Variants in KALRN observed in about 807,000 individuals in gnomAD.
KALRN encodes the protein kalirin RhoGEF kinase, also known as kalirin.
KALRN carries 70 observed loss-of-function variants against 353.7 expected under a neutral mutation model. The ratio of observed to expected loss-of-function variants is 0.20; its 90% CI spans 0.16 to 0.24. The LOEUF (loss-of-function observed/expected upper bound fraction) is 0.24. Among genes scored for constraint, KALRN ranks in the 10% least tolerant of loss-of-function variants. The pLI, the probability that KALRN is intolerant of heterozygous loss-of-function variation, is 1.00. For synonymous variants in KALRN, 1,391 were observed against 1,434.8 expected (o/e 0.97, Z 0.69); for missense variants, 2,791 against 3,756.7 (o/e 0.74, Z 6.72).
intron 53 of KALRN, among the ~76,000 whole-genome samples, chr3:124,695,119 A>G (rs980737180): frequency 2.0e-5 from 3 of 152,234 alleles, no homozygotes; most frequent in Admixed American, 6.5e-5. Context: ...GAACAGTGTT[A>G]TTAGAAAAAG....
intron 33 of KALRN, among the ~76,000 whole-genome samples, chr3:124,544,189 ATGCAAACCACTCCATT>A: frequency 6.6e-6 from 1 of 152,214 alleles, no homozygotes; most frequent in Non-Finnish European, 1.5e-5. Flanking sequence ...TGCAGAAGAT[ATGCAAACCACTCCATT>A]ACCATACATG....
intron 5 of KALRN, among the ~76,000 whole-genome samples, chr3:124,277,613 T>C (rs1210461265): frequency 6.6e-6 from 1 of 152,192 alleles, no homozygotes; most frequent in East Asian, 1.9e-4. Context: ...AAATCCTTTC[T>C]CCCTCTCCTT....
Position 124,334,168 on chromosome 3 carries a change from G to A in KALRN, c.1417-97G>A. On this transcript the variant is annotated intron_variant, in intron 8 of 59. Coordinates refer to ENST00000682506, the MANE Select transcript of KALRN (RefSeq NM_001388419.1). The surrounding 1 kb of genome is among the most constrained non-coding windows in gnomAD (Gnocchi z 4.2). ...TATGGAATGCCTGAGATTCTCAGAA[G>A]GCCTAGTCAGGGACCCTCAGGCAGA... 1.0e-6 allele frequency: 1 copy of A among 997,806 alleles called. No individual in the cohort carries two copies. The allele number at this position is 997,806 out of a possible 1,614,324, so 61.8% of individuals were successfully genotyped here. A position where few individuals can be genotyped will look rare whatever the true frequency, so the allele number is the denominator to read the frequency against.
At chr3:124,321,836 G>T (rs1163984045) in intron 6 of KALRN, among the ~76,000 whole-genome samples, 1 of 152,198 alleles carries the variant, frequency 6.6e-6, no homozygotes, top group Non-Finnish European at 1.5e-5. Flanking sequence ...CATGCTGCAG[G>T]TGCATTGCCT....
At chr3:124,470,962 T>G (rs2060828323) in intron 25 of KALRN, among the ~76,000 whole-genome samples, 2 of 152,208 alleles carry the variant, frequency 1.3e-5, no homozygotes, top group South Asian at 4.1e-4. Context: ...CCTTGGAATC[T>G]AAATGTTACA....
At chr3:124,278,632 A>G (rs1188776403) in intron 5 of KALRN, among the ~76,000 whole-genome samples, 2 of 152,144 alleles carry the variant, frequency 1.3e-5, no homozygotes, top group South Asian at 4.1e-4. Context: ...AGGGCAGTGC[A>G]GGGAAAATCA....
At chr3:124,052,430 T>C (rs2041129030) in intron 1 of KALRN, among the ~76,000 whole-genome samples, 1 of 152,178 alleles carries the variant, frequency 6.6e-6, no homozygotes, top group Admixed American at 6.5e-5. Context: ...TTCTTCTGGC[T>C]CTTCCAAGGT....
At chr3:124,066,609 A>G (rs904260062) in intron 1 of KALRN, among the ~76,000 whole-genome samples, 25 of 152,320 alleles carry the variant, frequency 1.6e-4, no homozygotes, top group African/African-American at 6.0e-4. Flanking sequence ...TAGAAAGCTC[A>G]TGGCCACCCA....
rs1337218017 is a variant in KALRN at position 124,495,977 on chromosome 3, A to ATGTG, written c.4833-333_4833-332insGTGT. Among the ~76,000 whole-genome samples the ATGTG allele has an allele frequency of 1.8e-3, 48 of 26,692 alleles. 2 individuals carry two copies. Among genetic ancestry groups the ATGTG allele is most frequent in the South Asian group, 6.5e-3 (5 of 764 alleles). The allele number at this position is 26,692 out of a possible 152,430, so 17.5% of individuals were successfully genotyped here. Reference sequence around the variant, plus strand: ...TATGTGTATGTATGTATATATATATATATATATATATATATATATATATAT... The same window carrying ATGTG: ...TATGTGTATGTATGTATATATATATATGTGTATATATATATATATATATATATAT... On this transcript the variant is annotated intron_variant, in intron 32 of 59. Transcript: ENST00000682506.
chr3:124,150,598 G>T (rs373150147), intron 1 of KALRN, among the ~76,000 whole-genome samples: 1 of 151,978 alleles, frequency 6.6e-6, no homozygotes, highest in South Asian at 2.1e-4. Context: ...TATCCATTTT[G>T]CTGTCATTTA....
intron 6 of KALRN, among the ~76,000 whole-genome samples, chr3:124,299,906 C>A (rs1303426688): frequency 1.3e-5 from 2 of 152,176 alleles, no homozygotes; most frequent in South Asian, 4.1e-4. Flanking sequence ...CAAACTCCTG[C>A]AGCCTCAGAA....
intron 1 of KALRN, among the ~76,000 whole-genome samples, chr3:124,158,707 G>A (rs543346338): frequency 2.0e-5 from 3 of 152,320 alleles, no homozygotes; most frequent in South Asian, 2.1e-4. Context: ...AGCCATGTCA[G>A]GATGGCTATA....
At chr3:124,449,578 T>C (rs2058579032) in intron 21 of KALRN, among the ~76,000 whole-genome samples, 1 of 152,238 alleles carries the variant, frequency 6.6e-6, no homozygotes, top group Non-Finnish European at 1.5e-5. Flanking sequence ...TGTTTTTCAT[T>C]TTTTACAAAT....
In KALRN at chr3:124,723,847, AGAG is replaced by A. The variant is rs1198208138; in HGVS notation, c.*4378_*4380del. On this transcript the variant is annotated 3_prime_UTR_variant, in exon 60 of 60. Coordinates refer to ENST00000682506, the MANE Select transcript of KALRN (RefSeq NM_001388419.1). The stretch of plus-strand genomic sequence containing the variant: ...AGCTTTATGCTCTGGAAAAAAGGAC[AGAG>A]AAGAACCCAACAACCACTTTCTTCA... 1 of 152,226 alleles carries A rather than the reference AGAG, an allele frequency of 6.6e-6. No individual in the cohort carries two copies. The highest frequency in any genetic ancestry group is 1.9e-4 in the East Asian group (1 of 5,192). 9.4% of individuals were successfully genotyped at this position (152,226 alleles called of 1,614,324 possible).
chr3:124,572,404 T>C (rs1302325981), intron 34 of KALRN, among the ~76,000 whole-genome samples: 1 of 151,988 alleles, frequency 6.6e-6, no homozygotes, highest in Non-Finnish European at 1.5e-5. Context: ...CCCAACCTAA[T>C]GTATTGTAAT....
chr3:124,529,033 T>G (rs1020958941), intron 33 of KALRN, among the ~76,000 whole-genome samples: 2 of 152,176 alleles, frequency 1.3e-5, no homozygotes, highest in African/African-American at 4.8e-5. Flanking sequence ...TGAACTTATA[T>G]GTACGTGTAG....
intron 10 of KALRN, among the ~76,000 whole-genome samples, chr3:124,356,180 C>T (rs2083384505): frequency 6.6e-6 from 1 of 152,064 alleles, no homozygotes. Flanking sequence ...CCCTCGACCC[C>T]TGCCATTGGC....
At chr3:124,682,997 C>T (rs2061408073) in intron 51 of KALRN, among the ~76,000 whole-genome samples, 1 of 152,084 alleles carries the variant, frequency 6.6e-6, no homozygotes, top group Admixed American at 6.6e-5. Flanking sequence ...TGTGACCATA[C>T]CTCATGGAGA....
chr3:124,505,916 T>C (rs989547850), intron 33 of KALRN, among the ~76,000 whole-genome samples: 1 of 152,186 alleles, frequency 6.6e-6, no homozygotes, highest in African/African-American at 2.4e-5. Context: ...CTTGCCTGGG[T>C]TTCACCTACC....
Sources: gnomAD v4.1 joint callset for allele counts (sites outside exome capture counted in the v4.1 genomes callset) on GRCh38, gnomAD v4.1.1 for gene constraint, Gnocchi (gnomAD v3.1) non-coding constraint, MANE v1.5 for transcripts, NCBI Gene and HGNC (gene_info 2026-07-23, HGNC 2026-07-21) for gene names.